The following NPHP1 variants were observed in gnomAD, a reference collection of about 807,000 sequenced individuals.
NPHP1 encodes nephrocystin 1, also known as nephrocystin-1.
NPHP1 carries 70 observed loss-of-function variants against 90.4 expected under a neutral mutation model. That is an observed-to-expected ratio of 0.77 (90% CI 0.64 to 0.95). The LOEUF (loss-of-function observed/expected upper bound fraction) is 0.95. NPHP1 is among the 40% of genes least tolerant of loss of function. NPHP1 has a pLI of 0.00. For synonymous variants in NPHP1, 256 were observed against 271.7 expected (o/e 0.94, Z 0.57); for missense variants, 764 against 795.9 (o/e 0.96, Z 0.48).
At chr2:110,191,971 A>C (rs1443419155) in intron 2 of NPHP1, among the ~76,000 whole-genome samples, 2 of 152,318 alleles carry the variant, frequency 1.3e-5, no homozygotes, top group East Asian at 3.9e-4. Flanking sequence ...GAAAACTAAC[A>C]AACAGAAAGG....
At chr2:110,174,894 A>G (rs1205757276) in intron 4 of NPHP1, among the ~76,000 whole-genome samples, 1 of 151,974 alleles carries the variant, frequency 6.6e-6, no homozygotes, top group East Asian at 1.9e-4. Context: ...GGTATTCCTA[A>G]GCACAAGAAG....
At chr2:110,179,335 A>T (rs1309861937) in intron 3 of NPHP1, among the ~76,000 whole-genome samples, 1 of 152,188 alleles carries the variant, frequency 6.6e-6, no homozygotes, top group African/African-American at 2.4e-5. Context: ...AAACTGTAAA[A>T]CAACTCACAA....
intron 2 of NPHP1, among the ~76,000 whole-genome samples, chr2:110,185,882 C>G (rs1197663696): frequency 6.6e-6 from 1 of 152,176 alleles, no homozygotes; most frequent in Non-Finnish European, 1.5e-5. Context: ...AGCCCATTCC[C>G]CTTCCAGGGG....
chr2:110,189,817 T>C (rs1357799802), intron 2 of NPHP1, among the ~76,000 whole-genome samples: 2 of 151,996 alleles, frequency 1.3e-5, no homozygotes, highest in Non-Finnish European at 2.9e-5. Context: ...GTTCTCCAAG[T>C]CCCCACCAGA....
chr2:110,129,816 T>C (rs1462914396), intron 17 of NPHP1, among the ~76,000 whole-genome samples: 2 of 152,154 alleles, frequency 1.3e-5, no homozygotes, highest in African/African-American at 2.4e-5. Flanking sequence ...AGGGAGAATA[T>C]TGACATTTCA....
At chr2:110,186,431 A>G (rs1684288536) in intron 2 of NPHP1, among the ~76,000 whole-genome samples, 1 of 152,026 alleles carries the variant, frequency 6.6e-6, no homozygotes. Flanking sequence ...GCCACTCTTG[A>G]CCTTGGACCT....
intron 2 of NPHP1, chr2:110,184,013 A>G: frequency 2.4e-6 from 1 of 422,244 alleles, no homozygotes; most frequent in South Asian, 1.9e-5. Context: ...CACTAGCGGC[A>G]GACCCAACTG....
At chr2:110,176,823 G>A (rs899916417) in intron 4 of NPHP1, among the ~76,000 whole-genome samples, 6 of 152,146 alleles carry the variant, frequency 3.9e-5, no homozygotes, top group African/African-American at 1.4e-4. Context: ...TGTTTTTCCA[G>A]GACTATATGA....
At position 110,178,380 on chromosome 2, in the gene NPHP1, A is replaced by G. The variant is rs1429177783; in HGVS notation, c.329+43T>C. On this transcript the variant is annotated intron_variant, in intron 4 of 19. Coordinates refer to ENST00000445609, the MANE Select transcript of NPHP1 (RefSeq NM_001128178.3). Reference sequence around the variant, plus strand: ...GTTAAACATTAAAGCTATTGGTGATATATCTTTAAAAAAGAAAAAAGAAAG... The same window carrying G: ...GTTAAACATTAAAGCTATTGGTGATGTATCTTTAAAAAAGAAAAAAGAAAG... 3.2e-6 allele frequency: 5 copies of G among 1,586,218 alleles called. 1 individual carries two copies. The highest frequency in any genetic ancestry group is 4.3e-6 in the Non-Finnish European group (5 of 1,155,780).
chr2:110,132,635 C>T (rs547030044), intron 16 of NPHP1, among the ~76,000 whole-genome samples: 4 of 152,248 alleles, frequency 2.6e-5, no homozygotes, highest in African/African-American at 9.6e-5. Context: ...ACCTGGGTGA[C>T]ACAGCAAGAC....
At chr2:110,143,465 G>A (rs1574083876) in intron 16 of NPHP1, 77 bp downstream of exon 16, 1 of 1,014,610 alleles carries the variant, frequency 9.9e-7, no homozygotes, top group Non-Finnish European at 1.6e-6. Flanking sequence ...TAAATATGAG[G>A]AAAAGCCAAA....
intron 2 of NPHP1, among the ~76,000 whole-genome samples, chr2:110,198,645 G>C (rs1685331161): frequency 6.6e-6 from 1 of 152,094 alleles, no homozygotes; most frequent in African/African-American, 2.4e-5. Context: ...AATCATGACT[G>C]CTAAAGAAGT....
At chr2:110,180,663 C>T (rs1164089474) in intron 2 of NPHP1, among the ~76,000 whole-genome samples, 2 of 151,876 alleles carry the variant, frequency 1.3e-5, no homozygotes, top group Non-Finnish European at 2.9e-5. Context: ...ACACCTTGAC[C>T]CATGAGAATG....
chr2:110,180,944 T>C (rs1271964982), intron 2 of NPHP1, among the ~76,000 whole-genome samples: 3 of 152,176 alleles, frequency 2.0e-5, no homozygotes, highest in Non-Finnish European at 4.4e-5. Context: ...TTATATACTC[T>C]GGCCCCAAGA....
At chr2:110,154,695 T>G (rs1023119809) in intron 11 of NPHP1, among the ~76,000 whole-genome samples, 1 of 152,034 alleles carries the variant, frequency 6.6e-6, no homozygotes, top group Non-Finnish European at 1.5e-5. Flanking sequence ...CCCTAGAGAT[T>G]TGTGGAACTC....
At chr2:110,166,786 A>G (rs1682758833) in intron 6 of NPHP1, among the ~76,000 whole-genome samples, 1 of 151,792 alleles carries the variant, frequency 6.6e-6, no homozygotes, top group Non-Finnish European at 1.5e-5. Flanking sequence ...CATAATCGAT[A>G]GTGATTATAG....
intron 15 of NPHP1, 42 bp from the exon 16 acceptor site, chr2:110,143,683 C>T (rs1434534610): frequency 7.6e-7 from 1 of 1,309,852 alleles, no homozygotes; most frequent in Non-Finnish European, 1.1e-6. Context: ...ACTTTAAGTA[C>T]TTGAGACAGT....
intron 2 of NPHP1, among the ~76,000 whole-genome samples, chr2:110,200,936 C>A (rs1685536899): frequency 6.6e-6 from 1 of 152,106 alleles, no homozygotes; most frequent in Admixed American, 6.6e-5. Flanking sequence ...CAAAGATTAT[C>A]TTAATGATGT....
intron 16 of NPHP1, among the ~76,000 whole-genome samples, chr2:110,132,600 G>A (rs142310571): frequency 7.5e-4 from 114 of 152,234 alleles, no homozygotes; most frequent in Non-Finnish European, 1.3e-3. Context: ...GTTGCCATGA[G>A]CCAAGATTGT....
Sources: gnomAD v4.1 joint callset for allele counts (sites outside exome capture counted in the v4.1 genomes callset) on GRCh38, gnomAD v4.1.1 for gene constraint, MANE v1.5 for transcripts, NCBI Gene and HGNC (gene_info 2026-07-23, HGNC 2026-07-21) for gene names.